XKR4: variants seen among roughly 807,000 people sequenced by gnomAD.
XKR4 encodes the protein XK related 4.
In XKR4, 12 loss-of-function variants were observed where a neutral mutation model predicts 53.9. The ratio of observed to expected loss-of-function variants is 0.22; its 90% CI spans 0.14 to 0.36. The LOEUF (loss-of-function observed/expected upper bound fraction) is 0.36. XKR4 is among the 10% of genes least tolerant of loss of function. The probability of loss-of-function intolerance (pLI) is 1.00; values close to 1 mark genes in which losing one functional copy is unlikely to be tolerated. For missense variants in XKR4, 799 were observed against 859.5 expected, an observed-to-expected ratio of 0.93 and a Z score of 0.88; for synonymous variants, 354 against 362.4, an observed-to-expected ratio of 0.98 and a Z score of 0.26.
chr8:55,317,273 G>A (rs1033968362), intron 1 of XKR4, among the ~76,000 whole-genome samples: 4 of 152,138 alleles, frequency 2.6e-5, no homozygotes, highest in Non-Finnish European at 4.4e-5. Flanking sequence ...ATCTAAAGTA[G>A]CATTGAATTA....
rs190254404 is a variant in XKR4, at chr8:55,300,592, G to C, written c.807-57086G>C. Among the ~76,000 whole-genome samples the C allele has an allele frequency of 3.8e-3, 581 of 152,232 alleles. 8 individuals are homozygous for C. The highest frequency in any genetic ancestry group is 1.1e-3 in the Non-Finnish European group (73 of 68,022). On this transcript the variant is annotated intron_variant, in intron 1 of 2. Coordinates refer to ENST00000327381, the MANE Select transcript of XKR4 (RefSeq NM_052898.2). ...AATAGAAAGTGAGTCTATGGGCACT[G>C]AGGCTGCAGTGGAGGATGGAAATGA...
rs568082763 is a variant in XKR4, at chr8:55,352,017, T to C, written c.807-5661T>C. Among the ~76,000 whole-genome samples, 9 of 152,380 alleles carry C rather than the reference T, an allele frequency of 5.9e-5. 1 individual carries two copies. The South Asian group carries it at 1.9e-3, about 32-fold the overall frequency. On this transcript the variant is annotated intron_variant, in intron 1 of 2. Coordinates refer to ENST00000327381, the MANE Select transcript of XKR4 (RefSeq NM_052898.2). ...ATCATCAGAAACTGAGCCAGATGTT[T>C]CTTTATAGGGGTACAAAGACAAATG...
At chr8:55,378,518 C>T (rs1421609482) in intron 2 of XKR4, among the ~76,000 whole-genome samples, 1 of 151,984 alleles carries the variant, frequency 6.6e-6, no homozygotes, top group African/African-American at 2.4e-5. Context: ...AACAAGAGTA[C>T]GATTAACATG....
At chr8:55,210,170 C>T (rs1451694174) in intron 1 of XKR4, among the ~76,000 whole-genome samples, 6 of 151,888 alleles carry the variant, frequency 4.0e-5, no homozygotes, top group East Asian at 1.9e-4. Flanking sequence ...CTGTAACCTC[C>T]GCCTACTGGG....
intron 2 of XKR4, among the ~76,000 whole-genome samples, chr8:55,387,325 G>A (rs1804334592): frequency 6.6e-6 from 1 of 151,620 alleles, no homozygotes; most frequent in Non-Finnish European, 1.5e-5. Flanking sequence ...GACTATCGTG[G>A]ATCACCTTCT....
intron 2 of XKR4, among the ~76,000 whole-genome samples, chr8:55,364,819 A>G (rs897223073): frequency 1.3e-5 from 2 of 152,070 alleles, no homozygotes; most frequent in Non-Finnish European, 2.9e-5. Flanking sequence ...TTTAGTAGAG[A>G]TGGGATTTCT....
intron 2 of XKR4, among the ~76,000 whole-genome samples, chr8:55,468,793 G>A (rs145909953): frequency 5.2e-4 from 79 of 152,184 alleles, no homozygotes; most frequent in African/African-American, 1.8e-3. Flanking sequence ...GATTCGTCTT[G>A]ATGTTTGACT....
At chr8:55,262,309 A>G (rs997638853) in intron 1 of XKR4, among the ~76,000 whole-genome samples, 9 of 152,236 alleles carry the variant, frequency 5.9e-5, no homozygotes, top group African/African-American at 7.2e-5. Context: ...CATTAATCTT[A>G]GAGGAAACAG....
intron 1 of XKR4, among the ~76,000 whole-genome samples, chr8:55,206,135 G>T (rs998595088): frequency 6.6e-6 from 1 of 152,228 alleles, no homozygotes; most frequent in Non-Finnish European, 1.5e-5. Flanking sequence ...GACCCAAAGC[G>T]TGAGCAGCAG....
intron 2 of XKR4, among the ~76,000 whole-genome samples, chr8:55,481,320 T>C (rs1031550242): frequency 3.3e-5 from 5 of 152,010 alleles, no homozygotes; most frequent in Admixed American, 2.0e-4. Context: ...TAATAAATGG[T>C]GCTGGGAAAA....
intron 1 of XKR4, among the ~76,000 whole-genome samples, chr8:55,288,510 G>T (rs1818939048): frequency 6.6e-6 from 1 of 152,120 alleles, no homozygotes; most frequent in Non-Finnish European, 1.5e-5. Flanking sequence ...TGTAATTTCA[G>T]GTTCATCCTA....
At chr8:55,442,256 A>G (rs1324553719) in intron 2 of XKR4, among the ~76,000 whole-genome samples, 2 of 152,240 alleles carry the variant, frequency 1.3e-5, no homozygotes. Context: ...TACGTATTAT[A>G]AAAGCTGATT....
At chr8:55,155,758 A>T (rs1282064276) in intron 1 of XKR4, among the ~76,000 whole-genome samples, 1 of 152,200 alleles carries the variant, frequency 6.6e-6, no homozygotes, top group African/African-American at 2.4e-5. Flanking sequence ...ATCGGGGACA[A>T]AGACTAAATA....
Position 55,410,891 on chromosome 8 carries a change from T to G in XKR4, c.1006+53014T>G, listed in dbSNP as rs540806968. The stretch of plus-strand genomic sequence containing the variant: ...GTTCCCCAACCTGGGCTCCATAGAG[T>G]GCACACTGTGGGCATGCTGCTCCCC... On this transcript the variant is annotated intron_variant, in intron 2 of 2. Transcript: ENST00000327381. 4.6e-5 allele frequency among the ~76,000 whole-genome samples: 7 copies of G among 152,168 alleles called. No individual in the cohort carries two copies. The South Asian group carries it at 1.5e-3, about 32-fold the overall frequency.
intron 1 of XKR4, among the ~76,000 whole-genome samples, chr8:55,145,278 C>T (rs1392373625): frequency 6.6e-6 from 1 of 152,218 alleles, no homozygotes; most frequent in Non-Finnish European, 1.5e-5. Flanking sequence ...CAGACATCTA[C>T]TCCATGTCCT....
intron 1 of XKR4, among the ~76,000 whole-genome samples, chr8:55,249,664 T>A (rs1818338616): frequency 6.6e-6 from 1 of 152,218 alleles, no homozygotes; most frequent in Non-Finnish European, 1.5e-5. Flanking sequence ...CAGTTGAAGA[T>A]GCACCAAAAA....
At chr8:55,133,578 G>C (rs1408356850) in intron 1 of XKR4, among the ~76,000 whole-genome samples, 1 of 152,210 alleles carries the variant, frequency 6.6e-6, no homozygotes, top group African/African-American at 2.4e-5. Context: ...GATTCTTGCA[G>C]TGGTTGATAC....
intron 1 of XKR4, among the ~76,000 whole-genome samples, chr8:55,183,601 C>G (rs1817341849): frequency 6.6e-6 from 1 of 151,970 alleles, no homozygotes; most frequent in Non-Finnish European, 1.5e-5. Flanking sequence ...TGAGAACATG[C>G]TTTGTATGAT....
rs571094076 is a variant in XKR4, at chr8:55,135,620, G to T, written c.806+32326G>T. ...CATCGGAGCTGTCTACTGAGGAAAA[G>T]CCAAGGACAGATGGCTCCCTGGATA... On this transcript the variant is annotated intron_variant, in intron 1 of 2. Transcript: ENST00000327381. 8.3e-4 allele frequency: 379 copies of T among 456,256 alleles called. 1 individual carries two copies. The highest frequency in any genetic ancestry group is 1.4e-3 in the South Asian group (92 of 64,572). 28.3% of individuals were successfully genotyped at this position (456,256 alleles called of 1,614,324 possible).
Sources: allele counts gnomAD v4.1 joint callset (sites outside exome capture counted in the v4.1 genomes callset), GRCh38; gene constraint gnomAD v4.1.1; transcripts MANE v1.5; gene names NCBI Gene and HGNC (gene_info 2026-07-23, HGNC 2026-07-21).